COMMD10: variants seen among roughly 807,000 people sequenced by gnomAD.
The protein encoded by COMMD10 is COMM domain-containing protein 10.
COMMD10 carries 33 observed loss-of-function variants against 28.9 expected under a neutral mutation model. That is an observed-to-expected ratio of 1.14 (90% CI 0.87 to 1.53). The LOEUF (loss-of-function observed/expected upper bound fraction) is 1.53. COMMD10 is among the 40% of genes most tolerant of loss of function. The probability of loss-of-function intolerance (pLI) is 0.00; values close to 1 mark genes in which losing one functional copy is unlikely to be tolerated. For synonymous variants in COMMD10, 110 were observed against 81.7 expected (o/e 1.35, Z -1.87); for missense variants, 310 against 233.4 (o/e 1.33, Z -2.14).
At chr5:116,275,586 C>A (rs1478424) in intron 5 of COMMD10, among the ~76,000 whole-genome samples, 33,680 of 151,558 alleles carry the variant, frequency 0.22, 4,338 homozygotes, top group East Asian at 0.42. Flanking sequence ...AACCCCAACA[C>A]CCTAGCGTGT....
intron 5 of COMMD10, among the ~76,000 whole-genome samples, chr5:116,138,958 A>G (rs1353446304): frequency 6.6e-6 from 1 of 151,722 alleles, no homozygotes; most frequent in Non-Finnish European, 1.5e-5. Context: ...TTTTATTGAT[A>G]AATGGAGACA....
intron 5 of COMMD10, among the ~76,000 whole-genome samples, chr5:116,155,500 G>T (rs1165034933): frequency 6.6e-6 from 1 of 151,974 alleles, no homozygotes; most frequent in Non-Finnish European, 1.5e-5. Flanking sequence ...TTCTATATTT[G>T]TTAGATAAAT....
chr5:116,249,425 C>T (rs1243140276), intron 5 of COMMD10, among the ~76,000 whole-genome samples: 1 of 151,770 alleles, frequency 6.6e-6, no homozygotes, highest in Non-Finnish European at 1.5e-5. Context: ...ATATTGGTTG[C>T]ATCACAATGA....
intron 5 of COMMD10, among the ~76,000 whole-genome samples, chr5:116,216,013 C>A (rs910795915): frequency 6.6e-6 from 1 of 151,900 alleles, no homozygotes; most frequent in Non-Finnish European, 1.5e-5. Context: ...AAAGGAAAGG[C>A]CTTATCATTT....
Position 116,275,838 on chromosome 5 carries a change from C to G in COMMD10, c.511-15679C>G, listed in dbSNP as rs181493950. On this transcript the variant is annotated intron_variant, in intron 5 of 6. Coordinates refer to ENST00000274458, the MANE Select transcript of COMMD10 (RefSeq NM_016144.4). ...ACTGCTAATGGCCAGATTTGCTTCA[C>G]CATATGTTAATGAGCGTACAAGTAA... Among the ~76,000 whole-genome samples, 385 of 151,504 alleles carry G rather than the reference C, an allele frequency of 2.5e-3. 1 individual carries two copies. Among genetic ancestry groups the G allele is most frequent in the Non-Finnish European group, 4.3e-3 (295 of 67,988 alleles).
chr5:116,230,323 C>A (rs1260255872), intron 5 of COMMD10, among the ~76,000 whole-genome samples: 2 of 151,966 alleles, frequency 1.3e-5, no homozygotes, highest in Non-Finnish European at 2.9e-5. Context: ...GAACCTTCTC[C>A]TATTCTTTGC....
intron 4 of COMMD10, among the ~76,000 whole-genome samples, chr5:116,104,156 A>T (rs1254857150): frequency 2.0e-5 from 3 of 152,202 alleles, no homozygotes; most frequent in African/African-American, 7.2e-5. Flanking sequence ...TGTGAAATTT[A>T]AAGTAGTTTT....
At chr5:116,227,779 A>G (rs1749434665) in intron 5 of COMMD10, among the ~76,000 whole-genome samples, 1 of 152,078 alleles carries the variant, frequency 6.6e-6, no homozygotes, top group Non-Finnish European at 1.5e-5. Flanking sequence ...AAAAGTTACT[A>G]TCAGTGCCTT....
chr5:116,140,629 GATA>G (rs1349569311), intron 5 of COMMD10, among the ~76,000 whole-genome samples: 1 of 151,820 alleles, frequency 6.6e-6, no homozygotes, highest in African/African-American at 2.4e-5. Flanking sequence ...ACAGTTGTGA[GATA>G]ATATTTCATT....
intron 4 of COMMD10, among the ~76,000 whole-genome samples, chr5:116,096,046 C>T (rs1242292151): frequency 6.6e-6 from 1 of 151,990 alleles, no homozygotes; most frequent in East Asian, 1.9e-4. Context: ...ATTGTGAACC[C>T]ACTGACTTTT....
chr5:116,131,027 A>T (rs553580635), intron 4 of COMMD10, among the ~76,000 whole-genome samples: 1 of 152,128 alleles, frequency 6.6e-6, no homozygotes, highest in Middle Eastern at 3.4e-3. Context: ...AATATTACAA[A>T]TATACACGTA....
At chr5:116,166,777 A>T (rs191609600) in intron 5 of COMMD10, among the ~76,000 whole-genome samples, 1 of 152,302 alleles carries the variant, frequency 6.6e-6, no homozygotes, top group East Asian at 1.9e-4. Flanking sequence ...GAAAACTAAC[A>T]AACAGAGAAA....
At chr5:116,268,265 A>G (rs1750654446) in intron 5 of COMMD10, among the ~76,000 whole-genome samples, 1 of 151,794 alleles carries the variant, frequency 6.6e-6, no homozygotes, top group African/African-American at 2.4e-5. Context: ...AAAAAATCAA[A>G]CAACTCCATC....
At chr5:116,248,133 C>CAA (rs35046766) in intron 5 of COMMD10, among the ~76,000 whole-genome samples, 368 of 145,412 alleles carry the variant, frequency 2.5e-3, no homozygotes, top group Admixed American at 3.5e-3. Flanking sequence ...TGTGCTAAGC[C>CAA]AAAAAAAAAA....
At chr5:116,130,632 C>T (rs374451142) in intron 4 of COMMD10, among the ~76,000 whole-genome samples, 1 of 151,948 alleles carries the variant, frequency 6.6e-6, no homozygotes, top group Non-Finnish European at 1.5e-5. Flanking sequence ...AGTTTCTATA[C>T]TTTTCATTCA....
intron 4 of COMMD10, among the ~76,000 whole-genome samples, chr5:116,133,709 A>G (rs1185226561): frequency 6.6e-6 from 1 of 152,242 alleles, no homozygotes; most frequent in Non-Finnish European, 1.5e-5. Context: ...ATTTGTAACT[A>G]TTTAAAAATC....
At chr5:116,251,030 G>C (rs1429812087) in intron 5 of COMMD10, among the ~76,000 whole-genome samples, 2 of 151,948 alleles carry the variant, frequency 1.3e-5, no homozygotes, top group Non-Finnish European at 2.9e-5. Flanking sequence ...CCTGCCTAAA[G>C]TGAAGCTTGC....
At chr5:116,100,498 A>G (rs1350404537) in intron 4 of COMMD10, among the ~76,000 whole-genome samples, 2 of 149,510 alleles carry the variant, frequency 1.3e-5, no homozygotes, top group Admixed American at 6.7e-5. Flanking sequence ...TGTGCATGGT[A>G]TAAGATAAAG....
At chr5:116,111,901 C>T (rs1367562953) in intron 4 of COMMD10, among the ~76,000 whole-genome samples, 2 of 152,100 alleles carry the variant, frequency 1.3e-5, no homozygotes, top group Non-Finnish European at 2.9e-5. Context: ...TTCTGTCTAA[C>T]TCTCTTTAGG....
Sources: allele counts gnomAD v4.1 joint callset (sites outside exome capture counted in the v4.1 genomes callset), GRCh38; gene constraint gnomAD v4.1.1; transcripts MANE v1.5; gene names NCBI Gene and HGNC (gene_info 2026-07-23, HGNC 2026-07-21).